Variants in ANK2 observed in about 807,000 individuals in gnomAD.
ANK2 encodes the protein ankyrin 2.
Under a neutral mutation model 360.5 loss-of-function variants are expected in ANK2, and 83 were observed. The observed-to-expected ratio is 0.23, with a 90% CI of 0.19 to 0.28. The LOEUF is 0.28. ANK2 is among the 10% of genes least tolerant of loss of function. The pLI is 1.00. For missense variants in ANK2, 4,201 were observed against 4,795.7 expected (o/e 0.88, Z 3.66); for synonymous variants, 1,740 against 1,759.5 (o/e 0.99, Z 0.28).
rs541230293 is a variant in ANK2, at chr4:113,237,658, C to G, written c.693+36C>G. 6 of 1,564,256 alleles carry G rather than the reference C, an allele frequency of 3.8e-6. No individual in the cohort carries two copies. In the East Asian group the frequency reaches 1.3e-4, roughly 35 times the overall value. On this transcript the variant is annotated intron_variant, in intron 7 of 45. Coordinates refer to ENST00000357077, the MANE Select transcript of ANK2 (RefSeq NM_001148.6). The stretch of plus-strand genomic sequence containing the variant: ...GTGGTTATACCAAAATTTACCTTGT[C>G]TTTATTTTTAGTTTTTGCCCAATTG...
At chr4:113,309,089 C>A (rs921583846) in intron 23 of ANK2, among the ~76,000 whole-genome samples, 2 of 152,174 alleles carry the variant, frequency 1.3e-5, no homozygotes, top group African/African-American at 4.8e-5. Context: ...TTAATTTCTA[C>A]TTGCTTTCAC....
intron 5 of ANK2, among the ~76,000 whole-genome samples, chr4:113,233,387 G>T (rs1209463264): frequency 1.3e-5 from 2 of 151,372 alleles, no homozygotes; most frequent in African/African-American, 4.9e-5. Context: ...CGCCCGCCTC[G>T]GCCTCCCAAA....
intron 2 of ANK2, among the ~76,000 whole-genome samples, chr4:113,020,243 G>A (rs1227497753): frequency 6.6e-6 from 1 of 152,172 alleles, no homozygotes; most frequent in African/African-American, 2.4e-5. Context: ...GGAGTATGTA[G>A]TGGTGCAATC....
At chr4:113,199,163 G>A in intron 4 of ANK2, 54 bp downstream of exon 4, 1 of 1,407,280 alleles carries the variant, frequency 7.1e-7, no homozygotes, top group African/African-American at 1.4e-5. Context: ...GAACAGTTTT[G>A]TGAAATTGAT....
the ANK2 span, among the ~76,000 whole-genome samples, chr4:112,723,065 A>G: frequency 6.6e-6 from 1 of 152,166 alleles, no homozygotes; most frequent in Non-Finnish European, 1.5e-5. Flanking sequence ...AACGAAACTA[A>G]GTTTTGGTTG....
chr4:113,031,799 T>A (rs2060469102), intron 2 of ANK2, among the ~76,000 whole-genome samples: 1 of 152,012 alleles, frequency 6.6e-6, no homozygotes, highest in East Asian at 1.9e-4. Flanking sequence ...GGAGAACACA[T>A]GATAAATAAA....
At chr4:113,001,923 C>G (rs920766935) in intron 2 of ANK2, among the ~76,000 whole-genome samples, 9 of 152,146 alleles carry the variant, frequency 5.9e-5, no homozygotes, top group Non-Finnish European at 1.5e-5. Flanking sequence ...CCAGAAAGCC[C>G]AAATTCTCCC....
chr4:112,842,337 C>T (rs1469829894), intron 1 of ANK2, among the ~76,000 whole-genome samples: 2 of 152,206 alleles, frequency 1.3e-5, no homozygotes, highest in Non-Finnish European at 2.9e-5. Context: ...TGACAAATAT[C>T]TGGTGCTTCT....
intron 1 of ANK2, among the ~76,000 whole-genome samples, chr4:112,857,229 G>T (rs1216756393): frequency 6.6e-6 from 1 of 152,152 alleles, no homozygotes; most frequent in African/African-American, 2.4e-5. Flanking sequence ...GTTTTTAAAA[G>T]AAACTTTTAA....
chr4:112,936,610 C>A (rs1297363131), intron 2 of ANK2, among the ~76,000 whole-genome samples: 2 of 152,174 alleles, frequency 1.3e-5, no homozygotes, highest in Non-Finnish European at 2.9e-5. Flanking sequence ...TCCCAAAGTG[C>A]TGGGATTACA....
At chr4:113,258,201 C>T (rs2153634537) in intron 12 of ANK2, 53 bp downstream of exon 12, 1 of 1,578,642 alleles carries the variant, frequency 6.3e-7, no homozygotes, top group Non-Finnish European at 8.7e-7. Flanking sequence ...ACTCCTTCCT[C>T]CCTTTCCTTT....
At chr4:112,833,337 A>G (rs1309692260) in intron 1 of ANK2, among the ~76,000 whole-genome samples, 1 of 152,238 alleles carries the variant, frequency 6.6e-6, no homozygotes, top group African/African-American at 2.4e-5. Flanking sequence ...GGCTGGAGAT[A>G]TCTGATTTTA....
chr4:112,722,444 A>T, the ANK2 span, among the ~76,000 whole-genome samples: 1 of 152,192 alleles, frequency 6.6e-6, no homozygotes, highest in Non-Finnish European at 1.5e-5. Flanking sequence ...TTAAATCATA[A>T]GTACATTCAC....
At chr4:113,031,979 TG>T (rs1254056077) in intron 2 of ANK2, among the ~76,000 whole-genome samples, 1 of 152,010 alleles carries the variant, frequency 6.6e-6, no homozygotes, top group East Asian at 1.9e-4. Context: ...GTAATTACTG[TG>T]TGGTCAAGTT....
intron 2 of ANK2, among the ~76,000 whole-genome samples, chr4:112,957,116 C>T (rs2095375564): frequency 7.1e-6 from 1 of 139,936 alleles, no homozygotes; most frequent in South Asian, 2.4e-4. Context: ...AGCAGATAAA[C>T]AAGTGAACAA....
chr4:113,377,472 A>T (rs779433300), intron 45 of ANK2, among the ~76,000 whole-genome samples: 13 of 152,198 alleles, frequency 8.5e-5, no homozygotes, highest in Non-Finnish European at 1.2e-4. Context: ...TCCAAAAGGG[A>T]CAAAAAAATC....
chr4:113,302,960 T>C, intron 23 of ANK2, 121 bp downstream of exon 23: 1 of 903,078 alleles, frequency 1.1e-6, no homozygotes, highest in Non-Finnish European at 1.8e-6. Flanking sequence ...TTAAAGTCAC[T>C]TTTTCACCTT....
At chr4:113,346,167 G>C in intron 35 of ANK2, 145 bp downstream of exon 35, 1 of 972,568 alleles carries the variant, frequency 1.0e-6, no homozygotes, top group Non-Finnish European at 1.6e-6. Flanking sequence ...AAGACTGATT[G>C]AAAGCATGTG....
chr4:113,079,413 C>T (rs976160296), intron 1 of ANK2, among the ~76,000 whole-genome samples: 1 of 152,182 alleles, frequency 6.6e-6, no homozygotes. Flanking sequence ...GGTACTCATT[C>T]AGATAGAATT....
Sources: allele counts gnomAD v4.1 joint callset (sites outside exome capture counted in the v4.1 genomes callset), GRCh38; gene constraint gnomAD v4.1.1; transcripts MANE v1.5; gene names NCBI Gene and HGNC (gene_info 2026-07-23, HGNC 2026-07-21).